The following APBA2 variants were observed in gnomAD, a reference collection of about 807,000 sequenced individuals.
The protein encoded by APBA2 is amyloid-beta A4 precursor protein-binding family A member 2.
A neutral mutation model predicts 75.0 loss-of-function variants in APBA2; 30 were observed. The ratio of observed to expected loss-of-function variants is 0.40; its 90% CI spans 0.30 to 0.54. The LOEUF (loss-of-function observed/expected upper bound fraction) is 0.54. APBA2 is among the 20% of genes least tolerant of loss of function. The probability of loss-of-function intolerance (pLI) is 0.49; values close to 1 mark genes in which losing one functional copy is unlikely to be tolerated. For missense variants in APBA2, 801 were observed against 1,016.1 expected, an observed-to-expected ratio of 0.79 and a Z score of 2.88; for synonymous variants, 444 against 409.6, an observed-to-expected ratio of 1.08 and a Z score of -1.01.
chr15:29,077,037 G>T (rs2042881579), intron 6 of APBA2, among the ~76,000 whole-genome samples: 1 of 152,184 alleles, frequency 6.6e-6, no homozygotes, highest in African/African-American at 2.4e-5. Flanking sequence ...TGCTCAGATT[G>T]GGTGAGAATC....
At chr15:28,996,946 C>T (rs1164183837) in intron 3 of APBA2, among the ~76,000 whole-genome samples, 2 of 152,284 alleles carry the variant, frequency 1.3e-5, no homozygotes, top group Non-Finnish European at 2.9e-5. Flanking sequence ...TCTGGAGTGT[C>T]AAGACTCAGG....
At chr15:29,094,338 G>C (rs1385640899) in intron 8 of APBA2, 25 bp downstream of exon 8, 1 of 1,612,276 alleles carries the variant, frequency 6.2e-7, no homozygotes, top group Non-Finnish European at 8.5e-7. Flanking sequence ...GAGGCCCTGG[G>C]ACAGTGTTGT....
At chr15:29,074,275 G>T (rs941097719) in intron 4 of APBA2, among the ~76,000 whole-genome samples, 9 of 152,166 alleles carry the variant, frequency 5.9e-5, no homozygotes, top group Middle Eastern at 3.2e-3. Context: ...ATAAACAAGA[G>T]GTGGCATGTA....
intron 2 of APBA2, among the ~76,000 whole-genome samples, chr15:28,935,875 T>C (rs75969878): frequency 9.2e-5 from 14 of 152,388 alleles, no homozygotes; most frequent in Non-Finnish European, 2.1e-4. Flanking sequence ...CAATAGGTTA[T>C]TCATGCAGAG....
intron 2 of APBA2, among the ~76,000 whole-genome samples, chr15:28,929,993 C>T (rs1337039771): frequency 6.6e-6 from 1 of 152,120 alleles, no homozygotes; most frequent in Non-Finnish European, 1.5e-5. Context: ...AGCTGTTGAG[C>T]AGTTATTTAC....
intron 2 of APBA2, among the ~76,000 whole-genome samples, chr15:28,983,333 G>A (rs1038261337): frequency 2.6e-5 from 4 of 152,128 alleles, no homozygotes; most frequent in Admixed American, 6.5e-5. Flanking sequence ...TTTTCCAGAC[G>A]AAAAGATATG....
chr15:28,968,811 G>A (rs1334716015), intron 2 of APBA2, among the ~76,000 whole-genome samples: 2 of 152,296 alleles, frequency 1.3e-5, no homozygotes, highest in East Asian at 1.9e-4. Flanking sequence ...GAGGAAATGC[G>A]GAAGCAGACA....
At chr15:29,094,080 G>A (rs1415427765) in intron 7 of APBA2, among the ~76,000 whole-genome samples, 198 bp from the exon 8 acceptor site, 1 of 152,170 alleles carries the variant, frequency 6.6e-6, no homozygotes, top group Admixed American at 6.5e-5. Context: ...CATTTCTAGC[G>A]CTCCAGGGAC....
At position 29,101,599 on chromosome 15, in the gene APBA2, G is replaced by A. The variant is rs755574474; in HGVS notation, c.1339G>A (p.Glu447Lys). 6.8e-6 allele frequency: 11 copies of A among 1,612,916 alleles called. No homozygotes were observed. In the South Asian group the frequency reaches 1.2e-4, roughly 18 times the overall value. The change falls in exon 10 of 15, where the codon GAA (glutamate) becomes AAA (lysine). Residue 447 changes from glutamate to lysine, a missense_variant and splice_region_variant. Transcript: ENST00000683413. The stretch of plus-strand genomic sequence containing the variant: ...CGTGGCACTGTCTCCCTCCCGACAG[G>A]AAACCATGATGGACCACGCCTTGCG... ...RIKVLNADTQETMMDHALRTI... is the reference protein window; with the variant it reads ...RIKVLNADTQKTMMDHALRTI...
At chr15:29,067,884 T>G (rs1312803059) in intron 4 of APBA2, among the ~76,000 whole-genome samples, 1 of 152,210 alleles carries the variant, frequency 6.6e-6, no homozygotes, top group Non-Finnish European at 1.5e-5. Context: ...AGTTTTTTTC[T>G]TATTAAGACT....
intron 2 of APBA2, among the ~76,000 whole-genome samples, chr15:28,944,324 G>A (rs934113393): frequency 6.6e-6 from 1 of 152,118 alleles, no homozygotes; most frequent in Non-Finnish European, 1.5e-5. Flanking sequence ...TATTTTGTAC[G>A]CTCAGTCACC....
At chr15:28,953,112 T>C (rs1460312631) in intron 2 of APBA2, among the ~76,000 whole-genome samples, 1 of 152,130 alleles carries the variant, frequency 6.6e-6, no homozygotes, top group African/African-American at 2.4e-5. Context: ...TTTTGCAGGC[T>C]CCAGGAGTTT....
intron 2 of APBA2, among the ~76,000 whole-genome samples, chr15:28,974,425 G>A (rs2037226465): frequency 6.6e-6 from 1 of 152,104 alleles, no homozygotes; most frequent in Admixed American, 6.5e-5. Flanking sequence ...ACATGTGAAG[G>A]GGACCAAAAC....
chr15:28,893,652 C>T (rs1595394088), intron 1 of APBA2, among the ~76,000 whole-genome samples: 1 of 152,118 alleles, frequency 6.6e-6, no homozygotes, highest in Non-Finnish European at 1.5e-5. Context: ...CCCTTTGAGT[C>T]CTAAGGTTCA....
intron 2 of APBA2, among the ~76,000 whole-genome samples, chr15:28,988,543 C>T (rs1177456859): frequency 6.6e-6 from 1 of 152,168 alleles, no homozygotes; most frequent in Non-Finnish European, 1.5e-5. Flanking sequence ...GGATTGCAGG[C>T]CTGAGCCACC....
chr15:29,086,978 T>A (rs1189891194), intron 6 of APBA2, among the ~76,000 whole-genome samples: 1 of 152,240 alleles, frequency 6.6e-6, no homozygotes, highest in African/African-American at 2.4e-5. Context: ...ATTTTACATA[T>A]TTTTATTGTA....
chr15:29,069,747 C>A (rs2042537042), intron 4 of APBA2, among the ~76,000 whole-genome samples: 1 of 152,258 alleles, frequency 6.6e-6, no homozygotes, highest in Non-Finnish European at 1.5e-5. Context: ...GCAAGAGCTA[C>A]CCTGTGCCAT....
intron 9 of APBA2, 78 bp downstream of exon 9, chr15:29,098,654 C>A: frequency 1.7e-6 from 2 of 1,189,970 alleles, no homozygotes; most frequent in Non-Finnish European, 1.2e-6. Context: ...TATAGGCCCT[C>A]GTTCTCAGCA....
intron 3 of APBA2, among the ~76,000 whole-genome samples, chr15:28,996,034 G>A (rs1595681481): frequency 6.6e-6 from 1 of 152,142 alleles, no homozygotes; most frequent in Non-Finnish European, 1.5e-5. Flanking sequence ...CACTTACCTT[G>A]CCCGGAACCG....
Sources: allele counts gnomAD v4.1 joint callset (sites outside exome capture counted in the v4.1 genomes callset), GRCh38; gene constraint gnomAD v4.1.1; transcripts MANE v1.5; gene names NCBI Gene and HGNC (gene_info 2026-07-23, HGNC 2026-07-21).